Variants in KLF8 observed in about 807,000 individuals in gnomAD.
The protein encoded by KLF8 is Krueppel-like factor 8.
A neutral mutation model predicts 18.2 loss-of-function variants in KLF8; 10 were observed. The observed-to-expected ratio is 0.55, with a 90% confidence interval of 0.34 to 0.93. KLF8 has a LOEUF of 0.93. KLF8 is among the 40% of genes least tolerant of loss of function. The pLI is 0.02. For missense variants in KLF8, 264 were observed against 277.9 expected (o/e 0.95, Z 0.36); for synonymous variants, 109 against 97.3 (o/e 1.12, Z -0.71).
the KLF8 span, among the ~76,000 whole-genome samples, chrX:55,988,688 CT>C: frequency 9.0e-6 from 1 of 111,303 alleles, no homozygotes; most frequent in Admixed American, 9.5e-5. Context: ...GATGTGGGCT[CT>C]TTTTTGGTTC....
chrX:56,279,506 A>G (rs2067169028), intron 5 of KLF8, among the ~76,000 whole-genome samples: 1 of 112,034 alleles, frequency 8.9e-6, no homozygotes, highest in African/African-American at 3.2e-5. Flanking sequence ...CAGAGTACAA[A>G]ACTAGTGAGA....
At chrX:55,989,718 C>A in the KLF8 span, among the ~76,000 whole-genome samples, 532 of 111,876 alleles carry the variant, frequency 4.8e-3, 3 homozygotes, top group African/African-American at 0.016. Flanking sequence ...CTGGCCTCAT[C>A]AAATGAGTTA....
chrX:56,198,630 G>A, the KLF8 span, among the ~76,000 whole-genome samples: 1 of 111,993 alleles, frequency 8.9e-6, no homozygotes, highest in Non-Finnish European at 1.9e-5. Flanking sequence ...CTCATGGATA[G>A]GAAGAATCAA....
chrX:56,068,562 C>G, the KLF8 span, among the ~76,000 whole-genome samples: 1 of 111,675 alleles, frequency 9.0e-6, no homozygotes, highest in East Asian at 2.8e-4. Context: ...ATTCCACCCA[C>G]TCGCACCACT....
chrX:56,071,951 A>G, the KLF8 span, among the ~76,000 whole-genome samples: 2 of 112,177 alleles, frequency 1.8e-5, no homozygotes, highest in Non-Finnish European at 3.8e-5. Flanking sequence ...ACTGCATGAG[A>G]CAGCCTGTTA....
At chrX:55,963,175 G>A in the KLF8 span, among the ~76,000 whole-genome samples, 7 of 111,310 alleles carry the variant, frequency 6.3e-5, no homozygotes, top group African/African-American at 2.3e-4. Context: ...CATCCTGTTG[G>A]GATTTATTTA....
the KLF8 span, among the ~76,000 whole-genome samples, chrX:56,160,747 T>C: frequency 1.8e-5 from 2 of 111,335 alleles, no homozygotes; most frequent in African/African-American, 6.5e-5. Flanking sequence ...GCTTGGCAGA[T>C]CTTCTTCCAT....
the KLF8 span, among the ~76,000 whole-genome samples, chrX:56,163,027 C>A: frequency 8.9e-6 from 1 of 112,183 alleles, no homozygotes; most frequent in South Asian, 3.7e-4. Flanking sequence ...TATGTCTTTG[C>A]TATTGCAAAT....
the KLF8 span, among the ~76,000 whole-genome samples, chrX:55,986,973 T>A: frequency 8.9e-6 from 1 of 111,834 alleles, no homozygotes; most frequent in African/African-American, 3.2e-5. Context: ...TTTTAATGCC[T>A]GCATAGTATT....
the KLF8 span, among the ~76,000 whole-genome samples, chrX:55,959,829 G>T: frequency 9.1e-6 from 1 of 110,385 alleles, no homozygotes; most frequent in South Asian, 3.8e-4. Context: ...AGGATACGGT[G>T]CATGAAATTT....
the KLF8 span, among the ~76,000 whole-genome samples, chrX:56,096,970 AC>A: frequency 9.0e-6 from 1 of 111,388 alleles, no homozygotes; most frequent in Non-Finnish European, 1.9e-5. Context: ...GATAAAATTA[AC>A]CAACCTTGAA....
At chrX:56,240,809 A>G (rs1263906513) in intron 1 of KLF8, among the ~76,000 whole-genome samples, 2 of 111,386 alleles carry the variant, frequency 1.8e-5, no homozygotes, top group Non-Finnish European at 3.8e-5. Context: ...AGTTTATGTG[A>G]CCTTGGGATT....
chrX:56,197,718 A>C, the KLF8 span, among the ~76,000 whole-genome samples: 4 of 111,829 alleles, frequency 3.6e-5, no homozygotes, highest in African/African-American at 1.3e-4. Context: ...AAAAGAGGGA[A>C]TCCTCCCTAA....
At chrX:56,209,711 C>T in the KLF8 span, among the ~76,000 whole-genome samples, 1 of 110,856 alleles carries the variant, frequency 9.0e-6, no homozygotes, top group East Asian at 2.8e-4. Flanking sequence ...GTCTTCTCTA[C>T]CTTCTTTCTT....
At chrX:55,949,181 C>T in the KLF8 span, among the ~76,000 whole-genome samples, 7 of 111,596 alleles carry the variant, frequency 6.3e-5, no homozygotes, top group African/African-American at 2.3e-4. Context: ...ATTAACCAAT[C>T]TTTGTTAGTA....
the KLF8 span, among the ~76,000 whole-genome samples, chrX:55,954,919 G>T: frequency 9.0e-6 from 1 of 111,574 alleles, no homozygotes; most frequent in Admixed American, 9.6e-5. Flanking sequence ...ACCACATGTT[G>T]TATGATTCTA....
At chrX:56,209,474 A>G in the KLF8 span, among the ~76,000 whole-genome samples, 2 of 110,766 alleles carry the variant, frequency 1.8e-5, no homozygotes, top group Non-Finnish European at 3.8e-5. Flanking sequence ...TTCACAAATA[A>G]GGACTTTAGC....
chrX:56,063,692 G>A, the KLF8 span, among the ~76,000 whole-genome samples: 2 of 111,613 alleles, frequency 1.8e-5, no homozygotes, highest in African/African-American at 3.3e-5. Context: ...TGTGCTGGGA[G>A]ATCCCCTGCT....
chrX:56,150,726 T>A, the KLF8 span, among the ~76,000 whole-genome samples: 1 of 111,012 alleles, frequency 9.0e-6, no homozygotes, highest in African/African-American at 3.3e-5. Context: ...CTTCTCTTCC[T>A]CTTTAAGTGT....
Sources: allele counts gnomAD v4.1 joint callset (sites outside exome capture counted in the v4.1 genomes callset), GRCh38; gene constraint gnomAD v4.1.1; transcripts MANE v1.5; gene names NCBI Gene and HGNC (gene_info 2026-07-23, HGNC 2026-07-21).